Variants in MROH2B observed in about 807,000 individuals in gnomAD.
MROH2B encodes maestro heat like repeat family member 2B, also known as maestro heat-like repeat-containing protein family member 2B.
In MROH2B, 177 loss-of-function variants were observed where a neutral mutation model predicts 208.6. The observed-to-expected ratio is 0.85, with a 90% CI of 0.75 to 0.96. The LOEUF is 0.96. Among genes scored for constraint, MROH2B ranks in the 40% least tolerant of loss-of-function variants. MROH2B has a pLI of 0.00. For synonymous variants in MROH2B, 728 were observed against 659.0 expected (o/e 1.10, Z -1.60); for missense variants, 2,002 against 1,878.7 (o/e 1.07, Z -1.21).
At chr5:41,000,630 C>T in intron 38 of MROH2B, 48 bp downstream of exon 38, 1 of 1,561,376 alleles carries the variant, frequency 6.4e-7, no homozygotes, top group Non-Finnish European at 8.6e-7. Flanking sequence ...TGGTACTTCT[C>T]AGCCATGGGG....
chr5:41,059,620 A>G (rs1429310444), intron 6 of MROH2B, among the ~76,000 whole-genome samples: 1 of 152,176 alleles, frequency 6.6e-6, no homozygotes, highest in East Asian at 1.9e-4. Context: ...CAAGCAATGG[A>G]CACTTGTCAA....
chr5:41,063,034 G>A (rs1190561768), intron 5 of MROH2B, among the ~76,000 whole-genome samples: 1 of 152,132 alleles, frequency 6.6e-6, no homozygotes, highest in African/African-American at 2.4e-5. Flanking sequence ...TGGATAGATA[G>A]CTATTACATT....
Position 41,071,121 on chromosome 5 carries a change from A to G in MROH2B, c.-269T>C, listed in dbSNP as rs899625432. On this transcript the variant is annotated 5_prime_UTR_variant, in exon 1 of 42. Coordinates refer to ENST00000399564, the MANE Select transcript of MROH2B (RefSeq NM_173489.5). ...CAACAAAATGGCTGCATCTCACCAA[A>G]TATTGTCCCTTTGGTGACCAGAGTA... is the stretch of plus-strand genomic sequence containing the variant. The G allele has an allele frequency of 2.4e-6, 1 of 412,730 alleles. No individual in the cohort carries two copies. The highest frequency in any genetic ancestry group is 4.4e-6 in the Non-Finnish European group (1 of 229,426). 25.6% of individuals were successfully genotyped at this position (412,730 alleles called of 1,614,324 possible). A position where few individuals can be genotyped will look rare whatever the true frequency, so the allele number is the denominator to read the frequency against.
chr5:41,008,356 T>C (rs1433655149), intron 33 of MROH2B, among the ~76,000 whole-genome samples: 1 of 152,134 alleles, frequency 6.6e-6, no homozygotes, highest in East Asian at 1.9e-4. Flanking sequence ...AAAGATAATA[T>C]AGTAGTTCCT....
chr5:41,014,449 G>T (rs370733420), intron 29 of MROH2B, among the ~76,000 whole-genome samples: 2 of 152,134 alleles, frequency 1.3e-5, no homozygotes, highest in Non-Finnish European at 2.9e-5. Flanking sequence ...GGGTAGGGGG[G>T]TGCGGAGGGA....
At chr5:41,030,494 C>T (rs1231841391) in intron 24 of MROH2B, among the ~76,000 whole-genome samples, 1 of 151,990 alleles carries the variant, frequency 6.6e-6, no homozygotes, top group Non-Finnish European at 1.5e-5. Context: ...AATGGAAACA[C>T]ATCTCAAATT....
Position 41,004,463 on chromosome 5 carries a change from A to T in MROH2B, c.4077T>A (p.Thr1359=). 1 of 1,614,028 alleles carries T rather than the reference A, an allele frequency of 6.2e-7. No individual in the cohort carries two copies. The highest frequency in any genetic ancestry group is 8.5e-7 in the Non-Finnish European group (1 of 1,179,878). Residue 1359 remains threonine, a synonymous_variant, in exon 37 of 42, where the codon ACT becomes ACA. Transcript: ENST00000399564. ...IIRGLYHLAR[T]EVVCESLKAL... is the part of the protein sequence containing the mutation. ...CCTTCAAGCTTTCACAGACGACTTC[A>T]GTGCGAGCTAGGTGATACAGGCCTC...
intron 35 of MROH2B, 34 bp downstream of exon 35, chr5:41,005,497 C>A: frequency 7.3e-7 from 1 of 1,371,850 alleles, no homozygotes; most frequent in Non-Finnish European, 9.8e-7. Context: ...TATGGGGACC[C>A]AGTGAGTGTG....
chr5:41,070,547 T>G (rs1743956167), intron 1 of MROH2B, among the ~76,000 whole-genome samples: 2 of 152,134 alleles, frequency 1.3e-5, no homozygotes, highest in African/African-American at 2.4e-5. Context: ...GTATTTAAAA[T>G]TAAATAACAA....
intron 24 of MROH2B, among the ~76,000 whole-genome samples, chr5:41,025,923 C>T (rs1227498794): frequency 2.6e-5 from 4 of 152,098 alleles, no homozygotes; most frequent in Non-Finnish European, 5.9e-5. Context: ...TAAACAGAAC[C>T]AAAGACAAAA....
chr5:41,049,070 G>T (rs570558342), intron 15 of MROH2B, 31 bp downstream of exon 15: 1 of 1,572,150 alleles, frequency 6.4e-7, no homozygotes, highest in Non-Finnish European at 8.6e-7. Context: ...GCTTAAATTT[G>T]TTCTACTTTG....
At chr5:41,029,106 T>A (rs977179638) in intron 24 of MROH2B, among the ~76,000 whole-genome samples, 1 of 152,118 alleles carries the variant, frequency 6.6e-6, no homozygotes. Flanking sequence ...GTACAAGGGT[T>A]TCCCTTTCTC....
chr5:41,050,329 G>T (rs1012960550), intron 13 of MROH2B, among the ~76,000 whole-genome samples: 1 of 152,142 alleles, frequency 6.6e-6, no homozygotes, highest in Non-Finnish European at 1.5e-5. Flanking sequence ...ATATCAGAAG[G>T]TCTTAAACTT....
rs75721730 is a variant in MROH2B, at chr5:41,068,397, A to T, written c.91-1179T>A. On this transcript the variant is annotated intron_variant, in intron 2 of 41. Coordinates refer to ENST00000399564, the MANE Select transcript of MROH2B (RefSeq NM_173489.5). ...TATGGAGCTCTCACCACATTCCTGG[A>T]ACTGTGCCAGACTCATTATCTGGAG... 1.4e-3 allele frequency among the ~76,000 whole-genome samples: 218 copies of T among 152,236 alleles called. 6 individuals are homozygous for T. The East Asian group carries it at 0.038, about 26-fold the overall frequency.
At chr5:41,033,916 T>C (rs535066214) in intron 21 of MROH2B, 52 bp from the exon 22 acceptor site, 1 of 1,542,348 alleles carries the variant, frequency 6.5e-7, no homozygotes, top group Non-Finnish European at 8.8e-7. Flanking sequence ...CATTGAGAGA[T>C]ATACCCAACC....
intron 20 of MROH2B, among the ~76,000 whole-genome samples, chr5:41,039,169 G>C (rs775746881): frequency 2.0e-5 from 3 of 152,134 alleles, no homozygotes; most frequent in African/African-American, 7.2e-5. Context: ...GTATGCATGA[G>C]AGGAGCTATT....
At chr5:41,004,748 C>A (rs777763468) in intron 36 of MROH2B, 26 bp downstream of exon 36, 1 of 1,603,428 alleles carries the variant, frequency 6.2e-7, no homozygotes, top group Admixed American at 1.7e-5. Context: ...CTTAAATGAA[C>A]CATTTCCCCT....
intron 26 of MROH2B, 80 bp downstream of exon 26, chr5:41,018,611 A>G: frequency 6.5e-7 from 1 of 1,535,922 alleles, no homozygotes; most frequent in South Asian, 1.2e-5. Context: ...CATGTAAGGA[A>G]AATGCAGTAG....
At chr5:41,048,716 G>T (rs150640811) in intron 15 of MROH2B, among the ~76,000 whole-genome samples, 1 of 152,098 alleles carries the variant, frequency 6.6e-6, no homozygotes, top group African/African-American at 2.4e-5. Context: ...TAAGTGGAAA[G>T]AATTAACACT....
Sources: gnomAD v4.1 joint callset for allele counts (sites outside exome capture counted in the v4.1 genomes callset) on GRCh38, gnomAD v4.1.1 for gene constraint, MANE v1.5 for transcripts, NCBI Gene and HGNC (gene_info 2026-07-23, HGNC 2026-07-21) for gene names.